Variants in FAM184A observed in about 807,000 individuals in gnomAD.
The protein encoded by FAM184A is family with sequence similarity 184 member A.
In FAM184A, 99 loss-of-function variants were observed where a neutral mutation model predicts 143.8. The observed-to-expected ratio is 0.69, with a 90% CI of 0.58 to 0.81. FAM184A has a LOEUF of 0.81. Among genes scored for constraint, FAM184A ranks in the 40% least tolerant of loss-of-function variants. The pLI is 0.00. For missense variants in FAM184A, 1,217 were observed against 1,310.5 expected (o/e 0.93, Z 1.10); for synonymous variants, 427 against 446.4 (o/e 0.96, Z 0.55).
At chr6:119,008,493 G>T (rs1002227231) in intron 6 of FAM184A, among the ~76,000 whole-genome samples, 5 of 152,128 alleles carry the variant, frequency 3.3e-5, no homozygotes, top group African/African-American at 1.2e-4. Context: ...AAAAAGAAAA[G>T]CTGGGTTCCA....
intron 1 of FAM184A, among the ~76,000 whole-genome samples, chr6:119,135,053 GT>G (rs1474955485): frequency 6.6e-6 from 1 of 152,180 alleles, no homozygotes; most frequent in African/African-American, 2.4e-5. Context: ...TAGAAAACAT[GT>G]TTGCAGAAGC....
Position 119,096,478 on chromosome 6 carries a change from T to C in FAM184A, c.-202+52600A>G, listed in dbSNP as rs1210570398. The stretch of plus-strand genomic sequence containing the variant: ...GGTGAAACCCCGTCTCTACTAAAAA[T>C]ACAAAAAATTAGCCGGGCGCGGTGG... On this transcript the variant is annotated intron_variant, in intron 1 of 16. Transcript: ENST00000352896. 2.6e-5 allele frequency among the ~76,000 whole-genome samples: 2 copies of C among 76,672 alleles called. 1 individual carries two copies. The highest frequency in any genetic ancestry group is 5.1e-5 in the Non-Finnish European group (2 of 38,926). The allele number at this position is 76,672 out of a possible 152,430, so 50.3% of individuals were successfully genotyped here.
intron 1 of FAM184A, among the ~76,000 whole-genome samples, chr6:119,138,137 T>C (rs1031852326): frequency 6.6e-6 from 1 of 152,202 alleles, no homozygotes; most frequent in African/African-American, 2.4e-5. Context: ...AGGAAACATA[T>C]AGAATGCTAT....
chr6:119,089,228 G>C (rs1297160049), intron 1 of FAM184A, among the ~76,000 whole-genome samples: 1 of 144,906 alleles, frequency 6.9e-6, no homozygotes, highest in Non-Finnish European at 1.5e-5. Flanking sequence ...TTTTGAGACA[G>C]AGTCTCACTC....
chr6:119,013,010 G>A (rs1272989431), intron 5 of FAM184A, among the ~76,000 whole-genome samples: 1 of 152,076 alleles, frequency 6.6e-6, no homozygotes, highest in Non-Finnish European at 1.5e-5. Context: ...ACTAGAGGAA[G>A]ACTATTTTGG....
At chr6:118,984,179 TTATA>T (rs1306032627) in intron 9 of FAM184A, among the ~76,000 whole-genome samples, 3 of 134,458 alleles carry the variant, frequency 2.2e-5, no homozygotes, top group Non-Finnish European at 4.7e-5. Context: ...ATATATATAT[TTATA>T]TATATATTTA....
intron 1 of FAM184A, among the ~76,000 whole-genome samples, chr6:119,129,025 T>C (rs940222325): frequency 1.1e-4 from 16 of 152,202 alleles, no homozygotes; most frequent in African/African-American, 3.9e-4. Flanking sequence ...AGCATTTCTT[T>C]GTGCTGACTT....
intron 1 of FAM184A, among the ~76,000 whole-genome samples, chr6:119,087,301 T>C (rs1056110563): frequency 6.6e-6 from 1 of 152,126 alleles, no homozygotes; most frequent in Non-Finnish European, 1.5e-5. Context: ...AGTGAAAAGG[T>C]AGCCCATGAA....
intron 7 of FAM184A, chr6:119,006,036 G>A (rs1784906287): frequency 1.3e-6 from 1 of 759,670 alleles, no homozygotes; most frequent in African/African-American, 1.7e-5. Flanking sequence ...AGTCAGTACA[G>A]ATGTATTAAG....
intron 5 of FAM184A, among the ~76,000 whole-genome samples, chr6:119,012,660 C>G (rs1785123744): frequency 6.6e-6 from 1 of 152,192 alleles, no homozygotes; most frequent in Admixed American, 6.5e-5. Flanking sequence ...TGTCACATGT[C>G]AAAATTCCAG....
intron 4 of FAM184A, 122 bp from the exon 5 acceptor site, chr6:119,017,066 T>C (rs892768462): frequency 2.1e-5 from 14 of 651,206 alleles, no homozygotes; most frequent in Non-Finnish European, 2.9e-5. Context: ...ATCTAGACTA[T>C]GAAACATGAC....
intron 1 of FAM184A, among the ~76,000 whole-genome samples, chr6:119,051,671 T>A (rs1786772323): frequency 1.3e-5 from 2 of 151,994 alleles, no homozygotes; most frequent in Non-Finnish European, 1.5e-5. Flanking sequence ...AATTTTTTTT[T>A]AAAAAGAGAG....
chr6:119,118,437 T>G (rs546777408), intron 1 of FAM184A, among the ~76,000 whole-genome samples: 1 of 152,356 alleles, frequency 6.6e-6, no homozygotes, highest in South Asian at 2.1e-4. Context: ...AAAGCTATTA[T>G]GTTTCTCATG....
In FAM184A at chr6:118,991,751, C is replaced by CTT. The variant is rs61476918; in HGVS notation, c.2088+11146_2088+11147dup. 2.4e-3 allele frequency among the ~76,000 whole-genome samples: 102 copies of CTT among 42,374 alleles called. 14 individuals carry two copies. Among genetic ancestry groups the CTT allele is most frequent in the African/African-American group, 9.1e-3 (91 of 9,984 alleles). 27.8% of individuals were successfully genotyped at this position (42,374 alleles called of 152,430 possible). On this transcript the variant is annotated intron_variant, in intron 9 of 17. Transcript: ENST00000338891. ...ATTCAATGGGGTGCCCCTGAGAGGA[C>CTT]TTTTTTTTTTTTTTTTTTTTTTTTT...
In FAM184A at chr6:119,011,445, A is replaced by AT. The variant is rs1325934019; in HGVS notation, c.1531-15dup. 2.1e-6 allele frequency: 3 copies of AT among 1,453,204 alleles called. No homozygotes were observed. The highest frequency in any genetic ancestry group is 2.9e-5 in the African/African-American group (2 of 69,016). The allele number at this position is 1,453,204 out of a possible 1,614,324, so 90.0% of individuals were successfully genotyped here. ...TTCTTCCAAATCCTTAGAAAAAGAA[A>AT]TTTTTTAAAAATTAACAAAATTGCA... On this transcript the variant is annotated splice_polypyrimidine_tract_variant and intron_variant, in intron 5 of 17. Coordinates refer to ENST00000338891, the MANE Select transcript of FAM184A (RefSeq NM_024581.6).
chr6:119,086,420 G>C (rs1449684939), intron 1 of FAM184A, among the ~76,000 whole-genome samples: 1 of 152,144 alleles, frequency 6.6e-6, no homozygotes, highest in East Asian at 1.9e-4. Context: ...ACCTAGACTT[G>C]GGGTGTCAGA....
intron 1 of FAM184A, among the ~76,000 whole-genome samples, chr6:119,148,578 A>T (rs1772534591): frequency 6.6e-6 from 1 of 152,108 alleles, no homozygotes; most frequent in South Asian, 2.1e-4. Flanking sequence ...CCCCTTCCCC[A>T]GCACACTATT....
chr6:119,040,169 CTGTT>C (rs71556824), intron 1 of FAM184A, among the ~76,000 whole-genome samples: 19,281 of 152,170 alleles, frequency 0.13, 1,409 homozygotes, highest in Non-Finnish European at 0.17. Context: ...TTGCCTCAGT[CTGTT>C]TTTCTGCTTT....
intron 1 of FAM184A, among the ~76,000 whole-genome samples, chr6:119,112,357 A>G (rs372502654): frequency 1.9e-4 from 29 of 151,982 alleles, no homozygotes; most frequent in African/African-American, 6.3e-4. Flanking sequence ...CGAACTCCCA[A>G]CCTCAGGTGA....
Sources: allele counts gnomAD v4.1 joint callset (sites outside exome capture counted in the v4.1 genomes callset), GRCh38; gene constraint gnomAD v4.1.1; transcripts MANE v1.5; gene names NCBI Gene and HGNC (gene_info 2026-07-23, HGNC 2026-07-21).